Variants in ABTB2 observed in about 807,000 individuals in gnomAD.
ABTB2 encodes the protein ankyrin repeat and BTB/POZ domain-containing protein 2.
A neutral mutation model predicts 104.1 loss-of-function variants in ABTB2; 56 were observed. The ratio of observed to expected loss-of-function variants is 0.54; its 90% CI spans 0.43 to 0.67. ABTB2 has a LOEUF of 0.67. Ranked by LOEUF, ABTB2 falls within the 30% of genes least tolerant of loss-of-function variation. ABTB2 has a pLI of 0.00. For synonymous variants in ABTB2, 606 were observed against 608.2 expected, an observed-to-expected ratio of 1.00 and a Z score of 0.05; for missense variants, 1,279 against 1,407.7, an observed-to-expected ratio of 0.91 and a Z score of 1.46.
chr11:34,311,637 T>C (rs896231023), intron 1 of ABTB2, among the ~76,000 whole-genome samples: 1 of 152,206 alleles, frequency 6.6e-6, no homozygotes, highest in African/African-American at 2.4e-5. Flanking sequence ...AGGCCGAGTA[T>C]AAAATCTTTT....
intron 1 of ABTB2, among the ~76,000 whole-genome samples, chr11:34,254,419 T>C (rs1854094981): frequency 6.6e-6 from 1 of 151,784 alleles, no homozygotes; most frequent in Non-Finnish European, 1.5e-5. Flanking sequence ...GGCTAATTTT[T>C]GTATTTTCTT....
intron 3 of ABTB2, among the ~76,000 whole-genome samples, chr11:34,187,978 C>T (rs1292895697): frequency 6.6e-6 from 1 of 152,190 alleles, no homozygotes; most frequent in Non-Finnish European, 1.5e-5. Context: ...GGCCTTCACG[C>T]AGGCTTATGG....
In ABTB2 at chr11:34,252,907, C is replaced by T. The variant is rs528754458; in HGVS notation, c.884-48217G>A. Among the ~76,000 whole-genome samples, 425 of 152,170 alleles carry T rather than the reference C, an allele frequency of 2.8e-3. 4 individuals carry two copies. The highest frequency in any genetic ancestry group is 9.6e-3 in the African/African-American group (400 of 41,502). On this transcript the variant is annotated intron_variant, in intron 1 of 16. Coordinates refer to ENST00000435224, the MANE Select transcript of ABTB2 (RefSeq NM_145804.3). This position sits in a 1 kb window ranked among gnomAD's most constrained non-coding sequence, Gnocchi z 5.5. ...ACCTGGCCTGCACATGGCTCAGGGC[C>T]CGATTCCACCCCTCCACCCCCAGGA... is the stretch of plus-strand genomic sequence containing the variant.
chr11:34,152,686 G>T, intron 16 of ABTB2, 102 bp from the exon 17 acceptor site: 1 of 1,187,956 alleles, frequency 8.4e-7, no homozygotes, highest in Non-Finnish European at 1.2e-6. Context: ...CCCTGATTAA[G>T]CCCCACTCTG....
At chr11:34,233,629 C>A (rs2957506) in intron 1 of ABTB2, among the ~76,000 whole-genome samples, 100,033 of 151,350 alleles carry the variant, frequency 0.66, 33,385 homozygotes, top group East Asian at 0.92. Flanking sequence ...GGATTATAGG[C>A]ATGAACCACT....
intron 1 of ABTB2, among the ~76,000 whole-genome samples, chr11:34,315,295 A>G (rs1854912587): frequency 6.6e-6 from 1 of 152,212 alleles, no homozygotes; most frequent in Non-Finnish European, 1.5e-5. Context: ...GTTTCACTGA[A>G]TAAACACGCC....
intron 1 of ABTB2, among the ~76,000 whole-genome samples, chr11:34,331,500 T>C (rs1018549144): frequency 6.6e-6 from 1 of 152,174 alleles, no homozygotes; most frequent in Non-Finnish European, 1.5e-5. Flanking sequence ...TGATTTCCTG[T>C]CTAAGTCTGG....
intron 1 of ABTB2, among the ~76,000 whole-genome samples, chr11:34,221,618 G>A (rs777358499): frequency 6.6e-6 from 1 of 152,206 alleles, no homozygotes; most frequent in Non-Finnish European, 1.5e-5. Context: ...AGGTGGTGAC[G>A]GCAAATCTAG....
At chr11:34,243,359 C>T (rs1853945452) in intron 1 of ABTB2, among the ~76,000 whole-genome samples, 1 of 152,148 alleles carries the variant, frequency 6.6e-6, no homozygotes, top group Non-Finnish European at 1.5e-5. Flanking sequence ...TTGAACTCCG[C>T]CTCCTGGGTT....
chr11:34,317,226 A>G (rs1028205513), intron 1 of ABTB2, among the ~76,000 whole-genome samples: 6 of 152,202 alleles, frequency 3.9e-5, no homozygotes, highest in Middle Eastern at 3.2e-3. Context: ...GATATGCCTG[A>G]TGAGCCTGGC....
At chr11:34,153,105 GGA>G (rs1186296153) in intron 16 of ABTB2, among the ~76,000 whole-genome samples, 16 of 152,208 alleles carry the variant, frequency 1.1e-4, no homozygotes, top group African/African-American at 3.9e-4. Context: ...CAACGTGACA[GGA>G]TGGCTTGTGA....
intron 1 of ABTB2, among the ~76,000 whole-genome samples, chr11:34,258,803 G>T (rs565954339): frequency 6.6e-6 from 1 of 152,034 alleles, no homozygotes; most frequent in Non-Finnish European, 1.5e-5. Context: ...GTTTCACCAT[G>T]TTGGCCAGGC....
intron 1 of ABTB2, among the ~76,000 whole-genome samples, chr11:34,284,686 G>A (rs1288101292): frequency 2.0e-5 from 3 of 152,114 alleles, no homozygotes; most frequent in Non-Finnish European, 4.4e-5. Context: ...TGGAGAAAGC[G>A]GAGGGCTTAA....
At chr11:34,178,750 A>G (rs1351591919) in intron 3 of ABTB2, among the ~76,000 whole-genome samples, 1 of 151,926 alleles carries the variant, frequency 6.6e-6, no homozygotes, top group East Asian at 1.9e-4. Flanking sequence ...GTGGTTCTCA[A>G]TTTTTTCCCT....
In ABTB2 at chr11:34,281,267, G is replaced by A. The variant is rs185786480; in HGVS notation, c.883+75434C>T. On this transcript the variant is annotated intron_variant, in intron 1 of 16. Coordinates refer to ENST00000435224, the MANE Select transcript of ABTB2 (RefSeq NM_145804.3). ...CACTCAGACAGCTGATCCTGATTCC[G>A]CTATCTGCTTCTCCATGTGTGTCTG... Among the ~76,000 whole-genome samples the A allele has an allele frequency of 6.8e-4, 103 of 152,256 alleles. 3 individuals carry two copies. The highest frequency in any genetic ancestry group is 3.5e-3 in the Admixed American group (53 of 15,286).
chr11:34,312,188 A>G (rs1057372155), intron 1 of ABTB2, among the ~76,000 whole-genome samples: 3 of 152,138 alleles, frequency 2.0e-5, no homozygotes, highest in Admixed American at 6.5e-5. Flanking sequence ...AAGCCAATGG[A>G]ACAAGCAGGT....
rs989280304 is a variant in ABTB2, at chr11:34,154,023, A to T, written c.2880+242T>A. On this transcript the variant is annotated intron_variant, in intron 16 of 16. Coordinates refer to ENST00000435224, the MANE Select transcript of ABTB2 (RefSeq NM_145804.3). This position sits in a 1 kb window ranked among gnomAD's most constrained non-coding sequence, Gnocchi z 4.9. ...ACCACAGCCCAGGTGGCAGAGCTGGAATGTGAACTAGGGTGCAGCTGGCTC... is the reference window on the plus strand; with the variant it reads ...ACCACAGCCCAGGTGGCAGAGCTGGTATGTGAACTAGGGTGCAGCTGGCTC... Among the ~76,000 whole-genome samples, 1 of 152,146 alleles carries T rather than the reference A, an allele frequency of 6.6e-6. No homozygotes were observed. Among genetic ancestry groups the T allele is most frequent in the Admixed American group, 6.5e-5 (1 of 15,286 alleles).
chr11:34,269,178 G>A (rs986871702), intron 1 of ABTB2, among the ~76,000 whole-genome samples: 1 of 152,286 alleles, frequency 6.6e-6, no homozygotes, highest in African/African-American at 2.4e-5. Flanking sequence ...TCTTTTTGTG[G>A]TTGTTGCTAA....
rs568243186 is a variant in ABTB2 at position 34,280,793 on chromosome 11, A to G, written c.883+75908T>C. Among the ~76,000 whole-genome samples the G allele has an allele frequency of 2.1e-3, 327 of 152,316 alleles. 1 individual carries two copies. Among genetic ancestry groups the G allele is most frequent in the African/African-American group, 7.5e-3 (311 of 41,578 alleles). On this transcript the variant is annotated intron_variant, in intron 1 of 16. Coordinates refer to ENST00000435224, the MANE Select transcript of ABTB2 (RefSeq NM_145804.3). ...GCGGATGCTCAGGCTCAGAGAAGTT[A>G]ATTAGCTTACCCAAGGGTGATGCAG...
Sources: gnomAD v4.1 joint callset for allele counts (sites outside exome capture counted in the v4.1 genomes callset) on GRCh38, gnomAD v4.1.1 for gene constraint, Gnocchi (gnomAD v3.1) non-coding constraint, MANE v1.5 for transcripts, NCBI Gene and HGNC (gene_info 2026-07-23, HGNC 2026-07-21) for gene names.